Variants in HHAT observed in about 807,000 individuals in gnomAD.
HHAT encodes protein-cysteine N-palmitoyltransferase HHAT.
A neutral mutation model predicts 70.8 loss-of-function variants in HHAT; 47 were observed. The observed-to-expected ratio is 0.66, with a 90% confidence interval of 0.53 to 0.85. The LOEUF (loss-of-function observed/expected upper bound fraction) is 0.85. Ranked by LOEUF, HHAT falls within the 40% of genes least tolerant of loss-of-function variation. HHAT has a pLI of 0.00. For missense variants in HHAT, 609 were observed against 604.8 expected, an observed-to-expected ratio of 1.01 and a Z score of -0.07; for synonymous variants, 228 against 247.6, an observed-to-expected ratio of 0.92 and a Z score of 0.74.
intron 11 of HHAT, among the ~76,000 whole-genome samples, chr1:210,633,148 G>C (rs1276861689): frequency 6.6e-6 from 1 of 152,238 alleles, no homozygotes; most frequent in Non-Finnish European, 1.5e-5. Flanking sequence ...GGATTCTGTT[G>C]TGTGGAGTAT....
At chr1:210,635,943 G>T (rs1282261058) in intron 11 of HHAT, among the ~76,000 whole-genome samples, 1 of 152,168 alleles carries the variant, frequency 6.6e-6, no homozygotes, top group Non-Finnish European at 1.5e-5. Flanking sequence ...GCCTTTTATA[G>T]AAAGTGTTTG....
chr1:210,630,336 A>T (rs1297636539), intron 11 of HHAT, among the ~76,000 whole-genome samples: 1 of 152,174 alleles, frequency 6.6e-6, no homozygotes, highest in African/African-American at 2.4e-5. Context: ...AGCCTACCGC[A>T]GCATGCTGAC....
In HHAT at chr1:210,674,956, A is replaced by G. The variant is rs932449638; in HGVS notation, c.*577A>G. ...TTACGTAGTCGAAGAAGACGGTAGC[A>G]GCCCTGTAGCATTCTAAGGCATCTA... On this transcript the variant is annotated 3_prime_UTR_variant, in exon 12 of 12. Transcript: ENST00000261458. The G allele has an allele frequency of 1.3e-5, 2 of 152,434 alleles. No homozygotes were observed. Among genetic ancestry groups the G allele is most frequent in the African/African-American group, 4.8e-5 (2 of 41,452 alleles). 9.4% of individuals were successfully genotyped at this position (152,434 alleles called of 1,614,324 possible).
chr1:210,396,552 A>G (rs2091797970), intron 4 of HHAT, among the ~76,000 whole-genome samples: 4 of 152,228 alleles, frequency 2.6e-5, no homozygotes, highest in African/African-American at 7.2e-5. Context: ...AGAACTAAAT[A>G]TGCAACTACC....
chr1:210,397,421 T>G (rs1476430006), intron 4 of HHAT, among the ~76,000 whole-genome samples: 1 of 152,172 alleles, frequency 6.6e-6, no homozygotes, highest in Non-Finnish European at 1.5e-5. Flanking sequence ...TTTTTAAACT[T>G]GAGTTTGACG....
At chr1:210,549,225 T>G (rs1003194157) in intron 9 of HHAT, among the ~76,000 whole-genome samples, 4 of 144,856 alleles carry the variant, frequency 2.8e-5, no homozygotes, top group African/African-American at 7.8e-5. Context: ...TATTTGTAAT[T>G]GTTTTTATTA....
At chr1:210,526,478 G>C (rs538922408) in intron 9 of HHAT, among the ~76,000 whole-genome samples, 1 of 151,580 alleles carries the variant, frequency 6.6e-6, no homozygotes, top group Non-Finnish European at 1.5e-5. Flanking sequence ...TATGAGCTGC[G>C]TCAGTTCCAC....
chr1:210,557,345 C>T (rs1197681686), intron 9 of HHAT, among the ~76,000 whole-genome samples: 5 of 152,224 alleles, frequency 3.3e-5, no homozygotes, highest in African/African-American at 4.8e-5. Context: ...AGCCAATCCC[C>T]TCCACTGCTT....
At chr1:210,565,791 C>T (rs989551374) in intron 9 of HHAT, among the ~76,000 whole-genome samples, 3 of 152,144 alleles carry the variant, frequency 2.0e-5, no homozygotes, top group African/African-American at 7.2e-5. Flanking sequence ...CACCAGGAAG[C>T]ATGTTTTCTT....
intron 10 of HHAT, among the ~76,000 whole-genome samples, chr1:210,595,024 T>A (rs954033760): frequency 6.6e-6 from 1 of 152,208 alleles, no homozygotes; most frequent in Non-Finnish European, 1.5e-5. Context: ...TGCAGGTTTT[T>A]TACATATGTA....
chr1:210,531,985 T>A (rs1247257225), intron 9 of HHAT, among the ~76,000 whole-genome samples: 4 of 152,204 alleles, frequency 2.6e-5, no homozygotes, highest in Non-Finnish European at 5.9e-5. Context: ...AGGTCCGACC[T>A]TCAAAATGTA....
intron 8 of HHAT, among the ~76,000 whole-genome samples, chr1:210,502,652 A>G (rs1317628783): frequency 6.6e-6 from 1 of 152,178 alleles, no homozygotes; most frequent in African/African-American, 2.4e-5. Flanking sequence ...TGGCTGTTAA[A>G]TGCCTGTAAT....
At chr1:210,526,807 T>C (rs144130054) in intron 9 of HHAT, among the ~76,000 whole-genome samples, 1 of 152,346 alleles carries the variant, frequency 6.6e-6, no homozygotes, top group East Asian at 1.9e-4. Flanking sequence ...TATTAATCAC[T>C]CATGGCTATT....
At chr1:210,394,865 G>A (rs1434319433) in intron 4 of HHAT, among the ~76,000 whole-genome samples, 1 of 152,112 alleles carries the variant, frequency 6.6e-6, no homozygotes, top group Non-Finnish European at 1.5e-5. Context: ...CTCCATCAGT[G>A]CATGTCTAAG....
intron 11 of HHAT, among the ~76,000 whole-genome samples, chr1:210,669,024 C>T (rs1381091525): frequency 6.6e-6 from 1 of 152,152 alleles, no homozygotes; most frequent in East Asian, 1.9e-4. Context: ...CCACCCGCCT[C>T]GGCTTCCCAA....
chr1:210,327,892 C>T (rs937196167), upstream of HHAT, among the ~76,000 whole-genome samples: 14 of 152,210 alleles, frequency 9.2e-5, no homozygotes, highest in African/African-American at 2.9e-4. Context: ...CACCTGCTTA[C>T]TGAACACCAT....
intron 9 of HHAT, among the ~76,000 whole-genome samples, chr1:210,542,507 A>ATG (rs150125216): frequency 4.6e-5 from 7 of 150,888 alleles, no homozygotes; most frequent in East Asian, 1.9e-4. Flanking sequence ...ATATATATAT[A>ATG]TATATATTGG....
intron 11 of HHAT, among the ~76,000 whole-genome samples, chr1:210,641,796 A>T (rs1000575884): frequency 7.2e-5 from 11 of 152,278 alleles, no homozygotes; most frequent in African/African-American, 2.4e-4. Context: ...GTTATGAGAC[A>T]CACCCATCCA....
intron 6 of HHAT, among the ~76,000 whole-genome samples, chr1:210,412,727 C>T (rs188501363): frequency 1.3e-5 from 2 of 152,358 alleles, no homozygotes; most frequent in Admixed American, 1.3e-4. Context: ...TCCTGCAGAT[C>T]ACCCAGGCCA....
Sources: allele counts gnomAD v4.1 joint callset (sites outside exome capture counted in the v4.1 genomes callset), GRCh38; gene constraint gnomAD v4.1.1; transcripts MANE v1.5; gene names NCBI Gene and HGNC (gene_info 2026-07-23, HGNC 2026-07-21).